The following NR5A2 variants were observed in gnomAD, a reference collection of about 807,000 sequenced individuals.
The protein encoded by NR5A2 is nuclear receptor subfamily 5 group A member 2.
NR5A2 carries 26 observed loss-of-function variants against 62.7 expected under a neutral mutation model. The ratio of observed to expected loss-of-function variants is 0.41; its 90% CI spans 0.30 to 0.58. The LOEUF (loss-of-function observed/expected upper bound fraction) is 0.58. NR5A2 is among the 20% of genes least tolerant of loss of function. NR5A2 has a pLI of 0.22. For synonymous variants in NR5A2, 246 were observed against 241.7 expected, an observed-to-expected ratio of 1.02 and a Z score of -0.16; for missense variants, 541 against 669.1, an observed-to-expected ratio of 0.81 and a Z score of 2.11.
intron 6 of NR5A2, among the ~76,000 whole-genome samples, chr1:200,113,912 G>C (rs1009998662): frequency 6.6e-6 from 1 of 152,194 alleles, no homozygotes; most frequent in Non-Finnish European, 1.5e-5. Context: ...CGGGCACAGT[G>C]GCTCACGCCT....
At chr1:200,162,179 A>G (rs1374499089) in intron 7 of NR5A2, among the ~76,000 whole-genome samples, 1 of 152,236 alleles carries the variant, frequency 6.6e-6, no homozygotes, top group Non-Finnish European at 1.5e-5. Flanking sequence ...AATTAACAAG[A>G]GAGACATATC....
At chr1:200,033,827 C>T (rs958029687) in intron 1 of NR5A2, among the ~76,000 whole-genome samples, 3 of 152,198 alleles carry the variant, frequency 2.0e-5, no homozygotes, top group Non-Finnish European at 2.9e-5. Context: ...TTGAGTGTGA[C>T]GGTACCACTG....
At chr1:200,140,039 A>G (rs1251454845) in intron 7 of NR5A2, among the ~76,000 whole-genome samples, 1 of 152,216 alleles carries the variant, frequency 6.6e-6, no homozygotes, top group East Asian at 1.9e-4. Context: ...TTGGATTATA[A>G]GATGATTTCA....
intron 5 of NR5A2, among the ~76,000 whole-genome samples, chr1:200,094,294 C>T (rs1462758824): frequency 4.0e-5 from 6 of 151,088 alleles, no homozygotes; most frequent in South Asian, 4.2e-4. Flanking sequence ...AAGTGAGTCT[C>T]GTGTCTCAGC....
At chr1:200,157,131 C>T (rs942506991) in intron 7 of NR5A2, among the ~76,000 whole-genome samples, 2 of 152,176 alleles carry the variant, frequency 1.3e-5, no homozygotes, top group Non-Finnish European at 2.9e-5. Flanking sequence ...CTTTATAAGC[C>T]AGGCACTGTC....
At chr1:200,111,170 T>G (rs1665923615) in intron 5 of NR5A2, 32 bp from the exon 6 acceptor site, 1 of 1,597,410 alleles carries the variant, frequency 6.3e-7, no homozygotes, top group African/African-American at 1.4e-5. Flanking sequence ...TTTTTTGTTT[T>G]TTTTGTTTGT....
In NR5A2 at chr1:200,028,812, TA is replaced by T. The variant is rs556502111; in HGVS notation, c.64+903del. On this transcript the variant is annotated intron_variant, in intron 1 of 7. Coordinates refer to ENST00000367362, the MANE Select transcript of NR5A2 (RefSeq NM_205860.3). ...AGCTCTCTGAGTCTCAGCTCCATTA[TA>T]ACAAGAAAGAAAATCAAGGCTTGAG... 6.2e-3 allele frequency among the ~76,000 whole-genome samples: 943 copies of T among 152,322 alleles called. 8 individuals carry two copies. The highest frequency in any genetic ancestry group is 9.5e-3 in the Admixed American group (146 of 15,294).
At chr1:200,054,580 G>A (rs1387703176) in intron 5 of NR5A2, among the ~76,000 whole-genome samples, 1 of 152,068 alleles carries the variant, frequency 6.6e-6, no homozygotes, top group Non-Finnish European at 1.5e-5. Context: ...AATTAATCCT[G>A]ACTGAAACTC....
intron 5 of NR5A2, among the ~76,000 whole-genome samples, chr1:200,051,764 C>T (rs12402368): frequency 0.019 from 2,937 of 152,206 alleles, 50 homozygotes; most frequent in Non-Finnish European, 0.027. Flanking sequence ...CTTTTCCTTT[C>T]GTTTATAAAT....
chr1:200,144,168 C>T (rs1344110468), intron 7 of NR5A2, among the ~76,000 whole-genome samples: 1 of 151,434 alleles, frequency 6.6e-6, no homozygotes, highest in African/African-American at 2.4e-5. Flanking sequence ...TGTTTGAATC[C>T]TCCCATCACC....
chr1:200,110,956 T>C (rs1202551713), intron 5 of NR5A2, among the ~76,000 whole-genome samples: 2 of 152,146 alleles, frequency 1.3e-5, no homozygotes, highest in African/African-American at 4.8e-5. Context: ...TAGCAGTTCA[T>C]TGATTATAAA....
intron 7 of NR5A2, among the ~76,000 whole-genome samples, chr1:200,148,946 C>T (rs1667858431): frequency 6.8e-6 from 1 of 147,582 alleles, no homozygotes; most frequent in African/African-American, 2.5e-5. Flanking sequence ...CCAAGTCTCG[C>T]TCTGTCACCA....
intron 5 of NR5A2, among the ~76,000 whole-genome samples, chr1:200,052,993 A>C (rs1571720098): frequency 6.6e-6 from 1 of 152,244 alleles, no homozygotes; most frequent in Non-Finnish European, 1.5e-5. Flanking sequence ...CATAGGAAAA[A>C]AAGAGAATTT....
intron 5 of NR5A2, among the ~76,000 whole-genome samples, chr1:200,105,198 G>GC (rs1665589570): frequency 6.6e-6 from 1 of 152,138 alleles, no homozygotes; most frequent in East Asian, 1.9e-4. Flanking sequence ...GGATGCAAGT[G>GC]ATCCTCCTAT....
intron 5 of NR5A2, among the ~76,000 whole-genome samples, chr1:200,055,779 G>T (rs1351716077): frequency 6.6e-6 from 1 of 152,134 alleles, no homozygotes; most frequent in South Asian, 2.1e-4. Flanking sequence ...ATTTTTCAAT[G>T]AATGAAAATT....
rs11430284 is a variant in NR5A2, at chr1:200,076,455, A to ATTT, written c.1110+27650_1110+27652dup. Among the ~76,000 whole-genome samples, 1,147 of 146,322 alleles carry ATTT rather than the reference A, an allele frequency of 7.8e-3. 18 individuals carry two copies. Among genetic ancestry groups the ATTT allele is most frequent in the African/African-American group, 0.027 (1,078 of 39,926 alleles). On this transcript the variant is annotated intron_variant, in intron 5 of 7. Transcript: ENST00000367362. The stretch of plus-strand genomic sequence containing the variant: ...TGTAAGCAGTGATTCATGCCCAGGA[A>ATTT]TTTTTTTTTTTTTTTGTCTGCAGGC...
Position 200,135,817 on chromosome 1 carries a change from AC to A in NR5A2, c.1378+14863del, listed in dbSNP as rs779489517. Among the ~76,000 whole-genome samples, 64 of 152,224 alleles carry A rather than the reference AC, an allele frequency of 4.2e-4. 1 individual carries two copies. The highest frequency in any genetic ancestry group is 7.5e-4 in the Non-Finnish European group (51 of 68,036). ...CACATAGTATTAATAAGTGATTATT[AC>A]TCAAAACATCTGTGAAAGTCATAGA... On this transcript the variant is annotated intron_variant, in intron 7 of 7. Coordinates refer to ENST00000367362, the MANE Select transcript of NR5A2 (RefSeq NM_205860.3).
rs375688606 is a variant in NR5A2, at chr1:200,165,957, A to G, written c.1379-8006A>G. 5.9e-5 allele frequency among the ~76,000 whole-genome samples: 9 copies of G among 152,248 alleles called. No homozygotes were observed. The East Asian group carries it at 1.2e-3, about 20-fold the overall frequency. On this transcript the variant is annotated intron_variant, in intron 7 of 7. Transcript: ENST00000367362. Reference sequence around the variant, plus strand: ...ACTGAAACTCTATACCCATCAAACAACAACCTCTGTTCCTCATTCCTGCCA... The same window carrying G: ...ACTGAAACTCTATACCCATCAAACAGCAACCTCTGTTCCTCATTCCTGCCA...
chr1:200,081,758 A>G (rs2102235678), intron 5 of NR5A2, among the ~76,000 whole-genome samples: 1 of 144,416 alleles, frequency 6.9e-6, no homozygotes, highest in African/African-American at 2.6e-5. Context: ...AACCTGAAAC[A>G]TAGTCTACCT....
Sources: allele counts gnomAD v4.1 joint callset (sites outside exome capture counted in the v4.1 genomes callset), GRCh38; gene constraint gnomAD v4.1.1; transcripts MANE v1.5; gene names NCBI Gene and HGNC (gene_info 2026-07-23, HGNC 2026-07-21).